Variants in PLD5 observed in about 807,000 individuals in gnomAD.
PLD5 encodes phospholipase D family member 5, also known as inactive phospholipase D5.
Under a neutral mutation model 61.1 loss-of-function variants are expected in PLD5, and 36 were observed. That is an observed-to-expected ratio of 0.59 (90% confidence interval 0.45 to 0.78). The LOEUF (loss-of-function observed/expected upper bound fraction) is 0.78, where lower values mean the gene tolerates loss of function less well. PLD5 is among the 30% of genes least tolerant of loss of function. The probability of loss-of-function intolerance (pLI) is 0.00; values close to 1 mark genes in which losing one functional copy is unlikely to be tolerated. For missense variants in PLD5, 515 were observed against 644.4 expected (o/e 0.80, Z 2.17); for synonymous variants, 243 against 242.8 (o/e 1.00, Z -0.01).
intron 3 of PLD5, among the ~76,000 whole-genome samples, chr1:242,273,190 T>G (rs1160693209): frequency 1.3e-5 from 2 of 151,816 alleles, no homozygotes; most frequent in African/African-American, 4.8e-5. Context: ...TGTTTTCTGT[T>G]CCTGTGTTAG....
chr1:242,209,664 C>CCTGT (rs1279527902), intron 5 of PLD5, among the ~76,000 whole-genome samples: 1 of 107,994 alleles, frequency 9.3e-6, no homozygotes, highest in Non-Finnish European at 2.1e-5. Context: ...CAGCTGTTCC[C>CCTGT]CTGTCTCTCT....
At chr1:242,434,946 C>T (rs2102895902) in intron 1 of PLD5, among the ~76,000 whole-genome samples, 1 of 152,160 alleles carries the variant, frequency 6.6e-6, no homozygotes, top group South Asian at 2.1e-4. Context: ...AAACATTTAC[C>T]ATGGTGGTTT....
chr1:242,425,841 C>A (rs2810019), intron 1 of PLD5, among the ~76,000 whole-genome samples: 51,230 of 151,588 alleles, frequency 0.34, 9,005 homozygotes, highest in Middle Eastern at 0.47. Context: ...GATGGGGTTT[C>A]ATCCTGTTGG....
chr1:242,190,693 G>A (rs958463641), intron 5 of PLD5, among the ~76,000 whole-genome samples: 4 of 151,578 alleles, frequency 2.6e-5, no homozygotes, highest in Admixed American at 2.6e-4. Context: ...ATCAGGCTGG[G>A]CAACATGGCA....
chr1:242,389,752 G>A (rs532879477), intron 1 of PLD5, among the ~76,000 whole-genome samples: 58 of 152,176 alleles, frequency 3.8e-4, no homozygotes, highest in Non-Finnish European at 7.4e-4. Context: ...TAGGATTCAT[G>A]AGGGATTAAT....
chr1:242,128,364 G>A (rs905963246), intron 5 of PLD5, among the ~76,000 whole-genome samples: 2 of 151,720 alleles, frequency 1.3e-5, no homozygotes, highest in African/African-American at 4.9e-5. Flanking sequence ...TTTCTCAGAA[G>A]TATTTGTCTG....
chr1:242,457,048 CA>C (rs1431946879), intron 1 of PLD5, among the ~76,000 whole-genome samples: 2 of 152,170 alleles, frequency 1.3e-5, no homozygotes, highest in Non-Finnish European at 2.9e-5. Flanking sequence ...TCCACTTATC[CA>C]GGGGGTCTCT....
chr1:242,134,399 T>TTTTA (rs1273943774), intron 5 of PLD5, among the ~76,000 whole-genome samples: 1 of 58,344 alleles, frequency 1.7e-5, no homozygotes, highest in Non-Finnish European at 3.3e-5. Flanking sequence ...TTTTTTTTTT[T>TTTTA]TAATAAATAA....
intron 1 of PLD5, among the ~76,000 whole-genome samples, chr1:242,409,075 AG>A (rs1553369997): frequency 2.7e-5 from 3 of 111,934 alleles, no homozygotes; most frequent in Non-Finnish European, 5.3e-5. Flanking sequence ...CAAAAAAAAA[AG>A]AAAAGAAAAG....
chr1:242,242,667 T>C lies in PLD5; in HGVS notation c.608-22552A>G, dbSNP rs183262432. Reference sequence around the variant, plus strand: ...TTTCTGATCTGTGAAGTGAAAATAATAGCATCTTCCTTTCTGGGATGCCTG... The same window carrying C: ...TTTCTGATCTGTGAAGTGAAAATAACAGCATCTTCCTTTCTGGGATGCCTG... On this transcript the variant is annotated intron_variant, in intron 4 of 9. Transcript: ENST00000536534. Among the ~76,000 whole-genome samples, 604 of 152,290 alleles carry C rather than the reference T, an allele frequency of 4.0e-3. 2 individuals carry two copies. The highest frequency in any genetic ancestry group is 6.8e-3 in the Non-Finnish European group (464 of 68,014).
intron 1 of PLD5, among the ~76,000 whole-genome samples, chr1:242,419,606 G>C (rs1428605722): frequency 9.6e-6 from 1 of 104,286 alleles, no homozygotes; most frequent in Non-Finnish European, 1.8e-5. Flanking sequence ...GTAGAAACAG[G>C]GTTTCACTAT....
At chr1:242,469,770 C>G (rs116244016) in intron 1 of PLD5, among the ~76,000 whole-genome samples, 1 of 152,090 alleles carries the variant, frequency 6.6e-6, no homozygotes, top group Non-Finnish European at 1.5e-5. Flanking sequence ...GGAACATGCA[C>G]GAACCCCTGC....
At chr1:242,113,084 C>CTCTTT (rs1553301349) in intron 7 of PLD5, among the ~76,000 whole-genome samples, 4 of 110,696 alleles carry the variant, frequency 3.6e-5, no homozygotes, top group Admixed American at 1.0e-4. Context: ...CTCTCTCTCT[C>CTCTTT]TTTTTTTTTT....
chr1:242,459,564 G>C lies in PLD5; in HGVS notation c.189+64524C>G, dbSNP rs554560332. ...ATGGTTCATTTAAATCAGAGAAAAG[G>C]GGGAGACGTAGGGAGACCCCCTGAA... On this transcript the variant is annotated intron_variant, in intron 1 of 9. Transcript: ENST00000536534. Among the ~76,000 whole-genome samples, 3 of 152,278 alleles carry C rather than the reference G, an allele frequency of 2.0e-5. No individual in the cohort carries two copies. The South Asian group carries it at 6.2e-4, about 32-fold the overall frequency.
chr1:242,165,478 A>T (rs1294270755), intron 5 of PLD5, among the ~76,000 whole-genome samples: 1 of 151,706 alleles, frequency 6.6e-6, no homozygotes, highest in East Asian at 1.9e-4. Context: ...CCTGCCAGCA[A>T]CCAGTGGGAT....
intron 5 of PLD5, among the ~76,000 whole-genome samples, chr1:242,183,946 T>C (rs1667706114): frequency 1.3e-5 from 2 of 149,020 alleles, no homozygotes; most frequent in Non-Finnish European, 1.5e-5. Flanking sequence ...AGTTTGATTG[T>C]TTATGTAGTT....
chr1:242,361,699 A>G (rs1332659120), intron 1 of PLD5, among the ~76,000 whole-genome samples: 1 of 152,250 alleles, frequency 6.6e-6, no homozygotes, highest in Non-Finnish European at 1.5e-5. Flanking sequence ...GTTAACATTC[A>G]AAATATTTGA....
chr1:242,411,728 A>G (rs1664569994), intron 1 of PLD5, among the ~76,000 whole-genome samples: 1 of 152,214 alleles, frequency 6.6e-6, no homozygotes, highest in South Asian at 2.1e-4. Flanking sequence ...GTTTCCCTAT[A>G]AACTCTGCCA....
chr1:242,180,345 A>G (rs931141702), intron 5 of PLD5, among the ~76,000 whole-genome samples: 1 of 152,128 alleles, frequency 6.6e-6, no homozygotes, highest in African/African-American at 2.4e-5. Context: ...TTATTATTGA[A>G]ACTTATTTCA....
Sources: gnomAD v4.1 joint callset for allele counts (sites outside exome capture counted in the v4.1 genomes callset) on GRCh38, gnomAD v4.1.1 for gene constraint, MANE v1.5 for transcripts, NCBI Gene and HGNC (gene_info 2026-07-23, HGNC 2026-07-21) for gene names.